Variants in DIAPH2 observed in about 807,000 individuals in gnomAD.
DIAPH2 encodes diaphanous related formin 2, also known as protein diaphanous homolog 2.
A neutral mutation model predicts 92.7 loss-of-function variants in DIAPH2; 35 were observed. The observed-to-expected ratio is 0.38, with a 90% CI of 0.29 to 0.50. The LOEUF is 0.50. Ranked by LOEUF, DIAPH2 falls within the 20% of genes least tolerant of loss-of-function variation. The probability of loss-of-function intolerance (pLI) is 0.94; values close to 1 mark genes in which losing one functional copy is unlikely to be tolerated. For synonymous variants in DIAPH2, 301 were observed against 280.4 expected (o/e 1.07, Z -0.73); for missense variants, 701 against 819.5 (o/e 0.86, Z 1.77).
rs1263947677 is a variant in DIAPH2, at chrX:96,945,545, C to T, written c.1463C>T (p.Ala488Val). The change falls in exon 14 of 27, where the codon GCG (alanine) becomes GTG (valine). Residue 488 changes from alanine to valine, a missense_variant. Physicochemically the swap from Ala to Val is moderately conservative, Grantham distance 64. Coordinates refer to ENST00000324765, the MANE Select transcript of DIAPH2 (RefSeq NM_006729.5). Reference sequence around the variant, plus strand: ...TTAATAGATTCTTGTGTGAACAAGGCGAAAGTTGAAGAAAGTGAACAAAAA... The same window carrying T: ...TTAATAGATTCTTGTGTGAACAAGGTGAAAGTTGAAGAAAGTGAACAAAAA... Reference protein sequence around the residue: ...THLIDSCVNKAKVEESEQKAA... With the variant: ...THLIDSCVNKVKVEESEQKAA... 21 of 1,154,238 alleles carry T rather than the reference C, an allele frequency of 1.8e-5. No homozygotes were observed. Among genetic ancestry groups the T allele is most frequent in the Non-Finnish European group, 2.3e-5 (20 of 874,096 alleles).
At chrX:96,899,909 C>T (rs1353679461) in intron 5 of DIAPH2, among the ~76,000 whole-genome samples, 1 of 111,186 alleles carries the variant, frequency 9.0e-6, no homozygotes. Flanking sequence ...CCCATCAGTA[C>T]CTAATTTATT....
chrX:97,350,859 C>G (rs1449769516), intron 24 of DIAPH2, among the ~76,000 whole-genome samples: 1 of 112,142 alleles, frequency 8.9e-6, no homozygotes, highest in Non-Finnish European at 1.9e-5. Context: ...AGCTTGAGTA[C>G]AGAGTAAGAA....
chrX:97,434,161 GT>G (rs1221649196), intron 26 of DIAPH2, among the ~76,000 whole-genome samples: 1 of 111,681 alleles, frequency 9.0e-6, no homozygotes. Flanking sequence ...ATATCAGGGA[GT>G]GCTTGAATGA....
intron 22 of DIAPH2, among the ~76,000 whole-genome samples, chrX:97,213,942 G>A (rs2067861057): frequency 8.9e-6 from 1 of 111,911 alleles, no homozygotes; most frequent in African/African-American, 3.2e-5. Flanking sequence ...ACCTCTGCCT[G>A]TTCAAGTCCA....
intron 23 of DIAPH2, among the ~76,000 whole-genome samples, chrX:97,334,176 A>G (rs772950282): frequency 9.1e-6 from 1 of 110,265 alleles, no homozygotes; most frequent in Admixed American, 9.8e-5. Flanking sequence ...TTCTAGATAC[A>G]TTGAGGCCGG....
chrX:97,076,541 G>GAAACA (rs1398731867), intron 19 of DIAPH2, among the ~76,000 whole-genome samples: 6 of 111,241 alleles, frequency 5.4e-5, no homozygotes, highest in Admixed American at 9.5e-5. Flanking sequence ...AAAAAAAAAT[G>GAAACA]AAACAAAACA....
rs773492291 is a variant in DIAPH2, at chrX:96,844,128, A to C, written c.448-37451A>C. On this transcript the variant is annotated intron_variant, in intron 4 of 26. Coordinates refer to ENST00000324765, the MANE Select transcript of DIAPH2 (RefSeq NM_006729.5). ...CATTTTTCTGACTTCCCCAATGCAC[A>C]TACTCTTTCAGATATGCTAAAATGT... Among the ~76,000 whole-genome samples, 6 of 112,459 alleles carry C rather than the reference A, an allele frequency of 5.3e-5. No individual in the cohort carries two copies. In the Admixed American group the frequency reaches 5.7e-4, roughly 11 times the overall value.
chrX:97,382,513 C>G (rs1451972402), intron 24 of DIAPH2, among the ~76,000 whole-genome samples: 1 of 111,965 alleles, frequency 8.9e-6, no homozygotes, highest in Non-Finnish European at 1.9e-5. Context: ...ACAGCTCCTA[C>G]CAAAGAATAA....
chrX:97,582,648 G>T (rs2071448491), intron 26 of DIAPH2, among the ~76,000 whole-genome samples: 2 of 107,148 alleles, frequency 1.9e-5, no homozygotes, highest in African/African-American at 6.8e-5. Flanking sequence ...TGACAATTAT[G>T]TGTCTTGGAG....
chrX:97,176,247 A>G (rs1348343716), intron 22 of DIAPH2, among the ~76,000 whole-genome samples: 2 of 112,213 alleles, frequency 1.8e-5, no homozygotes, highest in Non-Finnish European at 3.8e-5. Context: ...AACATTGAAC[A>G]ATGATGAGTA....
chrX:97,137,297 A>G (rs1260295956), intron 21 of DIAPH2, among the ~76,000 whole-genome samples: 1 of 97,820 alleles, frequency 1.0e-5, no homozygotes, highest in Non-Finnish European at 2.0e-5. Flanking sequence ...ATATATATAT[A>G]TATATGTATA....
chrX:97,089,853 G>A (rs1050069676), intron 19 of DIAPH2, among the ~76,000 whole-genome samples: 2 of 110,105 alleles, frequency 1.8e-5, no homozygotes, highest in East Asian at 2.9e-4. Context: ...TCAGCCTCCC[G>A]AGTAGCTGGG....
At chrX:96,723,014 A>G (rs1483409924) in intron 1 of DIAPH2, among the ~76,000 whole-genome samples, 2 of 112,088 alleles carry the variant, frequency 1.8e-5, no homozygotes, top group Non-Finnish European at 3.8e-5. Context: ...AGAAAATGCC[A>G]GTCTTAGCAC....
At chrX:97,410,567 G>A (rs1157996143) in intron 25 of DIAPH2, among the ~76,000 whole-genome samples, 2 of 112,077 alleles carry the variant, frequency 1.8e-5, no homozygotes, top group African/African-American at 3.2e-5. Flanking sequence ...TGACTTTGAC[G>A]AGCTGACAGA....
chrX:96,939,344 A>C lies in DIAPH2; in HGVS notation c.1287A>C (p.Leu429=). The change falls in exon 12 of 27, where the codon CTA becomes CTC. Residue 429 remains leucine (L), a synonymous_variant. Transcript: ENST00000324765. ...TAAENYFLSI[L]QHFLLIRNDY... ...CTGAAAATTACTTCTTATCTATTCT[A>C]CAACATTTTTTGCTTATCAGAAATG... 1 of 1,141,120 alleles carries C rather than the reference A, an allele frequency of 8.8e-7. No homozygotes were observed. Among genetic ancestry groups the C allele is most frequent in the Non-Finnish European group, 1.2e-6 (1 of 837,765 alleles). 94.0% of individuals were successfully genotyped at this position (1,141,120 alleles called of 1,213,427 possible).
At chrX:97,026,770 T>G (rs2066338104) in intron 17 of DIAPH2, among the ~76,000 whole-genome samples, 1 of 112,395 alleles carries the variant, frequency 8.9e-6, no homozygotes, top group African/African-American at 3.2e-5. Flanking sequence ...GAGTTTTTTT[T>G]GTTTGTTTGT....
intron 5 of DIAPH2, among the ~76,000 whole-genome samples, chrX:96,906,357 A>C (rs1419737371): frequency 1.8e-5 from 2 of 112,041 alleles, no homozygotes; most frequent in African/African-American, 6.5e-5. Context: ...TTAAGTGATT[A>C]AAAGTTGTGT....
intron 25 of DIAPH2, among the ~76,000 whole-genome samples, chrX:97,396,985 C>A (rs988951435): frequency 1.8e-5 from 2 of 111,923 alleles, no homozygotes; most frequent in Non-Finnish European, 3.8e-5. Context: ...CTCTTAAAAT[C>A]ATCTATATTT....
chrX:97,353,126 A>G (rs977727572), intron 24 of DIAPH2, among the ~76,000 whole-genome samples: 2 of 110,450 alleles, frequency 1.8e-5, no homozygotes, highest in Non-Finnish European at 3.8e-5. Flanking sequence ...ACAAGATTGC[A>G]CTTGTACTTC....
Sources: allele counts gnomAD v4.1 joint callset (sites outside exome capture counted in the v4.1 genomes callset), GRCh38; gene constraint gnomAD v4.1.1; transcripts MANE v1.5; gene names NCBI Gene and HGNC (gene_info 2026-07-23, HGNC 2026-07-21).